ADRA1A: variants seen among roughly 807,000 people sequenced by gnomAD.
The protein encoded by ADRA1A is alpha-1A adrenergic receptor.
In ADRA1A, 31 loss-of-function variants were observed where a neutral mutation model predicts 29.6. The ratio of observed to expected loss-of-function variants is 1.05; its 90% CI spans 0.79 to 1.41. The LOEUF is 1.41. Ranked by LOEUF, ADRA1A falls within the 40% of genes most tolerant of loss-of-function variation. The pLI is 0.00. For synonymous variants in ADRA1A, 311 were observed against 254.3 expected, an observed-to-expected ratio of 1.22 and a Z score of -2.12; for missense variants, 619 against 601.1, an observed-to-expected ratio of 1.03 and a Z score of -0.31.
At chr8:26,798,342 G>A (rs1218070959) in intron 2 of ADRA1A, among the ~76,000 whole-genome samples, 2 of 152,242 alleles carry the variant, frequency 1.3e-5, no homozygotes, top group East Asian at 3.9e-4. Context: ...AGATGGGCGA[G>A]ATTCTAAATC....
chr8:26,757,586 T>C lies in ADRA1A; in HGVS notation c.1270-807A>G, dbSNP rs139666692. ...CTCTTTCATATGCTTCAATGTAGCA[T>C]GAGGTGTGACCTTTGTATGATGTGA... On this transcript the variant is annotated intron_variant, in intron 2 of 2. Coordinates refer to the ADRA1A transcript ENST00000380582. Among the ~76,000 whole-genome samples the C allele has an allele frequency of 7.9e-5, 12 of 151,346 alleles. No individual in the cohort carries two copies. The East Asian group carries it at 2.4e-3, about 31-fold the overall frequency.
Position 26,864,404 on chromosome 8 carries a change from G to A in ADRA1A, c.566C>T (p.Ala189Val). The change falls in exon 2 of 3, where the codon GCG becomes GTG. Residue 189 changes from alanine (A) to valine (V), a missense_variant. Transcript: ENST00000380573. The surrounding 1 kb of genome is among the most constrained non-coding windows in gnomAD (Gnocchi z 8.1). ...CAGAGGCAGGTAGAAGGAGCCCAGC[G>A]CTGAGAAGAGCACGTAGCCCGGCTC... ...NEEPGYVLFSALGSFYLPLAI... is the reference protein window; with the variant it reads ...NEEPGYVLFSVLGSFYLPLAI... The A allele has an allele frequency of 6.2e-7, 1 of 1,613,500 alleles. No homozygotes were observed. The highest frequency in any genetic ancestry group is 8.5e-7 in the Non-Finnish European group (1 of 1,180,018).
intron 2 of ADRA1A, among the ~76,000 whole-genome samples, chr8:26,830,866 C>T (rs888040414): frequency 6.6e-6 from 1 of 152,126 alleles, no homozygotes; most frequent in African/African-American, 2.4e-5. Context: ...TTGCAGTAGC[C>T]TCCCAGATGA....
At chr8:26,810,595 G>A (rs1397821974) in intron 2 of ADRA1A, among the ~76,000 whole-genome samples, 2 of 152,184 alleles carry the variant, frequency 1.3e-5, no homozygotes, top group Non-Finnish European at 2.9e-5. Flanking sequence ...AGGCAGCTCT[G>A]GCATGGTCCA....
intron 2 of ADRA1A, among the ~76,000 whole-genome samples, chr8:26,782,308 A>T (rs946612084): frequency 2.6e-5 from 4 of 152,226 alleles, no homozygotes; most frequent in Admixed American, 6.5e-5. Flanking sequence ...ATTCAAATGG[A>T]CATAATACAT....
intron 2 of ADRA1A, chr8:26,771,987 G>A (rs1806192820): frequency 6.5e-6 from 1 of 153,070 alleles, no homozygotes; most frequent in African/African-American, 2.4e-5. Flanking sequence ...GAGGGGCGGG[G>A]TGGGAAGACC....
downstream of ADRA1A, chr8:26,766,272 A>C (rs1043712717): frequency 3.0e-5 from 22 of 723,666 alleles, no homozygotes; most frequent in African/African-American, 3.8e-4. Flanking sequence ...GTGGTTGGTC[A>C]TCAATAACTT....
At chr8:26,835,563 A>G (rs893182181) in intron 2 of ADRA1A, among the ~76,000 whole-genome samples, 9 of 152,296 alleles carry the variant, frequency 5.9e-5, no homozygotes, top group African/African-American at 2.2e-4. Flanking sequence ...TTATAAAACC[A>G]TCAGATCTTG....
chr8:26,820,793 A>C (rs1810111340), intron 2 of ADRA1A, among the ~76,000 whole-genome samples: 1 of 152,196 alleles, frequency 6.6e-6, no homozygotes, highest in Admixed American at 6.5e-5. Flanking sequence ...AAAAAATAGA[A>C]TTTATTTTGA....
chr8:26,818,712 C>A (rs1349963034), intron 2 of ADRA1A, among the ~76,000 whole-genome samples: 1 of 151,746 alleles, frequency 6.6e-6, no homozygotes, highest in Non-Finnish European at 1.5e-5. Context: ...TACAGAGCGT[C>A]AACAGCAGAC....
At chr8:26,835,331 C>T (rs543493278) in intron 2 of ADRA1A, among the ~76,000 whole-genome samples, 1 of 152,246 alleles carries the variant, frequency 6.6e-6, no homozygotes, top group East Asian at 1.9e-4. Context: ...TTTTACAAAC[C>T]CAATTTCTCA....
chr8:26,760,943 C>G (rs547676978), downstream of ADRA1A, among the ~76,000 whole-genome samples: 8 of 152,296 alleles, frequency 5.3e-5, no homozygotes, highest in South Asian at 1.0e-3. Context: ...TCCCTGGGGA[C>G]TGGCCTCCCA....
At position 26,865,169 on chromosome 8, in the gene ADRA1A, A is replaced by C; in HGVS notation, c.-200T>G. ...CTGGGAACCCTCAGAAGGCCACATG[A>C]AGGGGCAGGGCATTAAAGACATGGC... On this transcript the variant is annotated 5_prime_UTR_variant, in exon 2 of 3. Coordinates refer to ENST00000380573, the MANE Select transcript of ADRA1A (RefSeq NM_000680.4). The surrounding 1 kb of genome is among the most constrained non-coding windows in gnomAD (Gnocchi z 7.6). 7.1e-7 allele frequency: 1 copy of C among 1,417,254 alleles called. No homozygotes were observed. Among genetic ancestry groups the C allele is most frequent in the African/African-American group, 1.4e-5 (1 of 69,206 alleles). The allele number at this position is 1,417,254 out of a possible 1,614,324, so 87.8% of individuals were successfully genotyped here.
At chr8:26,763,589 A>G (rs1045874802), downstream of ADRA1A, among the ~76,000 whole-genome samples, 5 of 151,600 alleles carry the variant, frequency 3.3e-5, no homozygotes, top group African/African-American at 1.2e-4. The surrounding 1 kb of genome is among the most constrained non-coding windows in gnomAD (Gnocchi z 4.5). Context: ...TTATCCAATG[A>G]CTCATGCAGG....
chr8:26,788,981 C>T (rs866569574), intron 2 of ADRA1A, among the ~76,000 whole-genome samples: 6 of 152,030 alleles, frequency 3.9e-5, no homozygotes, highest in East Asian at 1.9e-4. Context: ...ATGTGCGGAA[C>T]GTGCACATTT....
At chr8:26,755,956 CCTAA>C (rs1167774396), downstream of ADRA1A, among the ~76,000 whole-genome samples, 1 of 152,180 alleles carries the variant, frequency 6.6e-6, no homozygotes, top group Non-Finnish European at 1.5e-5. Flanking sequence ...GTTAAATGTG[CCTAA>C]CTTTTTTTTT....
At position 26,841,534 on chromosome 8, in the gene ADRA1A, G is replaced by T. The variant is rs140015952; in HGVS notation, c.883+22553C>A. 6.6e-6 allele frequency among the ~76,000 whole-genome samples: 1 copy of T among 152,212 alleles called. No individual in the cohort carries two copies. Among genetic ancestry groups the T allele is most frequent in the Non-Finnish European group, 1.5e-5 (1 of 68,018 alleles). ...AAACAAAAACAAAATTGGACCCTTGGTGGAGCCCTTGATGGCGACAGCACA... is the reference window on the plus strand; with the variant it reads ...AAACAAAAACAAAATTGGACCCTTGTTGGAGCCCTTGATGGCGACAGCACA... On this transcript the variant is annotated intron_variant, in intron 2 of 2. Coordinates refer to ENST00000380573, the MANE Select transcript of ADRA1A (RefSeq NM_000680.4). The surrounding 1 kb of genome is among the most constrained non-coding windows in gnomAD (Gnocchi z 4.4).
Position 26,864,249 on chromosome 8 carries a change from C to G in ADRA1A, c.721G>C (p.Ala241Pro). Residue 241 changes from alanine to proline, a missense_variant, in exon 2 of 3, where the codon GCC becomes CCC. Physicochemically the swap from Ala to Pro is conservative, Grantham distance 27. Coordinates refer to ENST00000380573, the MANE Select transcript of ADRA1A (RefSeq NM_000680.4). The surrounding 1 kb of genome is among the most constrained non-coding windows in gnomAD (Gnocchi z 8.1). ...QVTLRIHRKN[A>P]PAGGSGMASA... The stretch of plus-strand genomic sequence containing the variant: ...GCCATCCCGCTGCCTCCTGCCGGGG[C>G]GTTTTTCCGATGGATGCGGAGCGTC... The G allele has an allele frequency of 6.2e-7, 1 of 1,614,138 alleles. No individual in the cohort carries two copies.
chr8:26,815,593 G>A lies in ADRA1A; in HGVS notation c.884-44927C>T, dbSNP rs1809696541. On this transcript the variant is annotated intron_variant, in intron 2 of 2. Coordinates refer to ENST00000380573, the MANE Select transcript of ADRA1A (RefSeq NM_000680.4). The surrounding 1 kb of genome is among the most constrained non-coding windows in gnomAD (Gnocchi z 4.2). ...ACATGCAAGCTTGAACCCTCACAGAGCTAGGCCTTTAGTGAAAGGTAGATG... is the reference window on the plus strand; with the variant it reads ...ACATGCAAGCTTGAACCCTCACAGAACTAGGCCTTTAGTGAAAGGTAGATG... 6.6e-6 allele frequency among the ~76,000 whole-genome samples: 1 copy of A among 152,172 alleles called. No homozygotes were observed. The highest frequency in any genetic ancestry group is 2.4e-5 in the African/African-American group (1 of 41,436).
Sources: gnomAD v4.1 joint callset for allele counts (sites outside exome capture counted in the v4.1 genomes callset) on GRCh38, gnomAD v4.1.1 for gene constraint, Gnocchi (gnomAD v3.1) non-coding constraint, MANE v1.5 for transcripts, NCBI Gene and HGNC (gene_info 2026-07-23, HGNC 2026-07-21) for gene names.